The following ZNF517 variants were observed in gnomAD, a reference collection of about 807,000 sequenced individuals.
ZNF517 encodes zinc finger protein 517.
In ZNF517, 12 loss-of-function variants were observed where a neutral mutation model predicts 12.1. The observed-to-expected ratio is 0.99, with a 90% CI of 0.63 to 1.61. ZNF517 has a LOEUF of 1.61. ZNF517 is among the 40% of genes most tolerant of loss of function. ZNF517 has a pLI of 0.00. For missense variants in ZNF517, 781 were observed against 693.2 expected (o/e 1.13, Z -1.42); for synonymous variants, 388 against 310.2 (o/e 1.25, Z -2.63).
At chr8:144,810,445 G>A (rs1827520096), downstream of ZNF517, 1 of 422,848 alleles carries the variant, frequency 2.4e-6, no homozygotes, top group Non-Finnish European at 4.2e-6. Context: ...ACCAAGATGG[G>A]GAGGGCTGGA....
At chr8:144,799,053 C>T (rs1052030462) in intron 1 of ZNF517, 116 bp downstream of exon 1, 14 of 152,252 alleles carry the variant, frequency 9.2e-5, no homozygotes, top group Admixed American at 7.2e-4. Context: ...GGAGCGGACC[C>T]GCAGCCGTCA....
downstream of ZNF517, among the ~76,000 whole-genome samples, chr8:144,812,343 C>T (rs1827583025): frequency 1.9e-5 from 2 of 104,824 alleles, no homozygotes; most frequent in East Asian, 3.3e-4. Flanking sequence ...AGCCTGGAAG[C>T]AAAGGCTGAG....
chr8:144,812,645 T>C (rs913906313), downstream of ZNF517, among the ~76,000 whole-genome samples: 1 of 152,252 alleles, frequency 6.6e-6, no homozygotes, highest in Non-Finnish European at 1.5e-5. Flanking sequence ...GGCATGGACC[T>C]GGGTTGCCAC....
In ZNF517 at chr8:144,807,701, C is replaced by A. The variant is rs372970804; in HGVS notation, c.785C>A (p.Ala262Glu). The A allele has an allele frequency of 6.2e-7, 1 of 1,610,676 alleles. No individual in the cohort carries two copies. The highest frequency in any genetic ancestry group is 8.5e-7 in the Non-Finnish European group (1 of 1,179,220). ...GTCCACACCCGCGAGCGGCCCTACG[C>A]ATGCGGCGAGTGCGGCAAGGCCTTC... ...HRVHTRERPY[A>E]CGECGKAFSR... is the part of the protein sequence containing the mutation. The change falls in exon 5 of 5, where the codon GCA (alanine) becomes GAA (glutamate). Residue 262 changes from alanine to glutamate, a missense_variant. Coordinates refer to ENST00000359971, the MANE Select transcript of ZNF517 (RefSeq NM_213605.3).
chr8:144,806,836 C>A (rs148534234), intron 4 of ZNF517, among the ~76,000 whole-genome samples: 2 of 152,192 alleles, frequency 1.3e-5, no homozygotes, highest in Admixed American at 6.5e-5. Flanking sequence ...CCTCCCTACA[C>A]GTCTAACAAA....
At chr8:144,799,177 C>T (rs563218294) in intron 1 of ZNF517, among the ~76,000 whole-genome samples, 15 of 152,304 alleles carry the variant, frequency 9.8e-5, no homozygotes, top group African/African-American at 3.4e-4. Context: ...AGACCCGCTC[C>T]GCCGAGCCGG....
intron 4 of ZNF517, among the ~76,000 whole-genome samples, chr8:144,806,005 CTCTT>C (rs72184813): frequency 0.078 from 11,904 of 152,180 alleles, 1,044 homozygotes; most frequent in African/African-American, 0.21. Context: ...TATCTATAAT[CTCTT>C]TCTAGTATAA....
Position 144,808,203 on chromosome 8 carries a change from C to G in ZNF517, c.1287C>G (p.Cys429Trp), listed in dbSNP as rs761574400. The G allele has an allele frequency of 1.1e-5, 17 of 1,608,426 alleles. No homozygotes were observed. The highest frequency in any genetic ancestry group is 1.4e-5 in the Non-Finnish European group (17 of 1,177,052). ...TKEKPFACTE[C>W]GKAFRRSYTL... Reference sequence around the variant, plus strand: ...AGAAGCCCTTCGCGTGCACCGAGTGCGGCAAGGCGTTCCGCAGGAGCTACA... The same window carrying G: ...AGAAGCCCTTCGCGTGCACCGAGTGGGGCAAGGCGTTCCGCAGGAGCTACA... Residue 429 changes from cysteine (C) to tryptophan (W), a missense_variant, in exon 5 of 5, where the codon TGC (cysteine) becomes TGG (tryptophan). By Grantham distance (215) the Cys-to-Trp change is radical. Coordinates refer to ENST00000359971, the MANE Select transcript of ZNF517 (RefSeq NM_213605.3).
At chr8:144,812,075 CAG>C (rs1312775713), downstream of ZNF517, among the ~76,000 whole-genome samples, 7 of 136,350 alleles carry the variant, frequency 5.1e-5, no homozygotes, top group Admixed American at 2.8e-4. Flanking sequence ...AAGGCTGAGA[CAG>C]GGTGGGAGAG....
intron 1 of ZNF517, among the ~76,000 whole-genome samples, chr8:144,801,284 G>GGAGA (rs1269699877): frequency 6.6e-6 from 1 of 152,098 alleles, no homozygotes; most frequent in Admixed American, 6.5e-5. Context: ...GGAAGAGTGA[G>GGAGA]GAGAACAGGG....
rs1218519275 is a variant in ZNF517, at chr8:144,807,746, TGCA to T, written c.834_836del (p.Gln278del). On this transcript the variant is annotated inframe_deletion, in exon 5 of 5. Coordinates refer to ENST00000359971, the MANE Select transcript of ZNF517 (RefSeq NM_213605.3). ...GCCTTCAGCCGCAGCTCCCGGCTGCTGCAGCACCAGAAGTTCCACACCGGGGAG... is the reference window on the plus strand; with the variant it reads ...GCCTTCAGCCGCAGCTCCCGGCTGCTGCACCAGAAGTTCCACACCGGGGAG... The T allele has an allele frequency of 6.2e-7, 1 of 1,611,724 alleles. No individual in the cohort carries two copies.
rs776239942 is a variant in ZNF517 at position 144,802,956 on chromosome 8, C to T, written c.33+9C>T. On this transcript the variant is annotated intron_variant, in intron 2 of 4. Transcript: ENST00000359971. ...CGATGCCTGGACCTCAGGTGAGCACCCCCTGAGCCCGTCCATTGCCCCAGG... is the reference window on the plus strand; with the variant it reads ...CGATGCCTGGACCTCAGGTGAGCACTCCCTGAGCCCGTCCATTGCCCCAGG... 2.5e-6 allele frequency: 4 copies of T among 1,613,888 alleles called. No individual in the cohort carries two copies. The highest frequency in any genetic ancestry group is 2.2e-5 in the East Asian group (1 of 44,870).
chr8:144,804,064 C>A, intron 3 of ZNF517, 61 bp from the exon 4 acceptor site: 1 of 1,515,732 alleles, frequency 6.6e-7, no homozygotes. Context: ...TCCAGCCAGG[C>A]ACCTGGGCGT....
At chr8:144,803,915 G>T in intron 3 of ZNF517, 148 bp downstream of exon 3, 1 of 1,262,818 alleles carries the variant, frequency 7.9e-7, no homozygotes, top group Non-Finnish European at 1.1e-6. Context: ...CTTCCTGTTG[G>T]GCACCCACTG....
downstream of ZNF517, among the ~76,000 whole-genome samples, chr8:144,812,445 C>T (rs1162320690): frequency 3.3e-5 from 5 of 150,724 alleles, no homozygotes; most frequent in South Asian, 6.3e-4. Context: ...GAGACACGGA[C>T]AGTAAAGCTC....
intron 1 of ZNF517, 117 bp from the exon 2 acceptor site, chr8:144,802,753 G>T (rs1442812878): frequency 6.9e-7 from 1 of 1,446,866 alleles, no homozygotes; most frequent in Non-Finnish European, 9.1e-7. Flanking sequence ...GGCGGCTGAT[G>T]TGATTGCCCT....
chr8:144,807,444 C>G lies in ZNF517; in HGVS notation c.528C>G (p.Pro176=), dbSNP rs763666385. 1 of 1,574,140 alleles carries G rather than the reference C, an allele frequency of 6.4e-7. No individual in the cohort carries two copies. The highest frequency in any genetic ancestry group is 1.2e-5 in the South Asian group (1 of 86,522). ...GCCGGCCTGTGGGGAGCTCAGCCCC[C>G]CGCTACAGGTGCGTGTGCGGCAAGG... ...DLGRPVGSSA[P]RYRCVCGKAF... is the part of the protein sequence containing the mutation. Residue 176 remains proline (P), a synonymous_variant, in exon 5 of 5, where the codon CCC becomes CCG. Transcript: ENST00000359971.
intron 2 of ZNF517, 117 bp from the exon 3 acceptor site, chr8:144,803,524 T>G: frequency 7.1e-7 from 1 of 1,402,356 alleles, no homozygotes; most frequent in South Asian, 1.3e-5. Flanking sequence ...CTGGGCCCTG[T>G]GGATGCAGCA....
chr8:144,807,735 C>G lies in ZNF517; in HGVS notation c.819C>G (p.Ser273Arg). Residue 273 changes from serine to arginine, a missense_variant, in exon 5 of 5, where the codon AGC becomes AGG. Physicochemically the swap from Ser to Arg is moderately radical, Grantham distance 110. Transcript: ENST00000359971. ...CGECGKAFSR[S>R]SRLLQHQKFH... ...AGTGCGGCAAGGCCTTCAGCCGCAG[C>G]TCCCGGCTGCTGCAGCACCAGAAGT... 6.2e-7 allele frequency: 1 copy of G among 1,611,904 alleles called. No individual in the cohort carries two copies. The highest frequency in any genetic ancestry group is 1.7e-5 in the Admixed American group (1 of 59,964).
Sources: gnomAD v4.1 joint callset for allele counts (sites outside exome capture counted in the v4.1 genomes callset) on GRCh38, gnomAD v4.1.1 for gene constraint, MANE v1.5 for transcripts, NCBI Gene and HGNC (gene_info 2026-07-23, HGNC 2026-07-21) for gene names.